Variants in MSANTD2 observed in about 807,000 individuals in gnomAD.
The protein encoded by MSANTD2 is myb/SANT-like DNA-binding domain-containing protein 2.
Under a neutral mutation model 52.6 loss-of-function variants are expected in MSANTD2, and 19 were observed. The ratio of observed to expected loss-of-function variants is 0.36; its 90% CI spans 0.25 to 0.53. MSANTD2 has a LOEUF of 0.53. Ranked by LOEUF, MSANTD2 falls within the 20% of genes least tolerant of loss-of-function variation. The pLI is 0.91. For synonymous variants in MSANTD2, 291 were observed against 289.7 expected, an observed-to-expected ratio of 1.00 and a Z score of -0.04; for missense variants, 558 against 716.3, an observed-to-expected ratio of 0.78 and a Z score of 2.52.
In MSANTD2 at chr11:124,786,231, C is replaced by T. The variant is rs576929505; in HGVS notation, c.511-11257G>A. ...AAGTGATCCTCCTGCCTGAGCCTCCCGAGTAGCTGGGACTATAGGAGTGCA... is the reference window on the plus strand; with the variant it reads ...AAGTGATCCTCCTGCCTGAGCCTCCTGAGTAGCTGGGACTATAGGAGTGCA... On this transcript the variant is annotated intron_variant, in intron 1 of 3. Coordinates refer to ENST00000374979, the MANE Select transcript of MSANTD2 (RefSeq NM_001308027.2). 5.2e-4 allele frequency among the ~76,000 whole-genome samples: 79 copies of T among 151,996 alleles called. 1 individual carries two copies. The highest frequency in any genetic ancestry group is 3.2e-3 in the Admixed American group (49 of 15,238).
chr11:124,768,240 A>G (rs182929229), intron 3 of MSANTD2, among the ~76,000 whole-genome samples: 1 of 152,334 alleles, frequency 6.6e-6, no homozygotes, highest in Admixed American at 6.5e-5. Flanking sequence ...TGTACTGGGC[A>G]GTGTAAGTCT....
At chr11:124,795,779 G>A (rs1431100496) in intron 1 of MSANTD2, among the ~76,000 whole-genome samples, 1 of 152,104 alleles carries the variant, frequency 6.6e-6, no homozygotes. Context: ...TTTGGTGACT[G>A]GAGATATGAA....
At chr11:124,781,735 C>T (rs1184442711) in intron 1 of MSANTD2, among the ~76,000 whole-genome samples, 1 of 151,840 alleles carries the variant, frequency 6.6e-6, no homozygotes, top group African/African-American at 2.4e-5. Context: ...TCACTGCAAC[C>T]TCTGCCTCCT....
At chr11:124,781,582 C>T (rs546276324) in intron 1 of MSANTD2, among the ~76,000 whole-genome samples, 21 of 152,208 alleles carry the variant, frequency 1.4e-4, no homozygotes, top group South Asian at 1.2e-3. Context: ...ATAATTCAAT[C>T]CTCAACCCAA....
intron 1 of MSANTD2, among the ~76,000 whole-genome samples, chr11:124,797,762 A>C (rs1361156708): frequency 6.6e-6 from 1 of 152,204 alleles, no homozygotes; most frequent in African/African-American, 2.4e-5. Context: ...CATTCCCAAA[A>C]TACCCTAAGA....
At chr11:124,798,234 T>TAAAAAAAAAAAAAAAA (rs10601418) in intron 1 of MSANTD2, among the ~76,000 whole-genome samples, 22 of 110,502 alleles carry the variant, frequency 2.0e-4, no homozygotes, top group African/African-American at 8.4e-4. Flanking sequence ...CCCTGTCTCT[T>TAAAAAAAAAAAAAAAA]AAAAAAAAAA....
In MSANTD2 at chr11:124,767,402, A is replaced by G; in HGVS notation, c.1454T>C (p.Leu485Pro). ...GAAATGTAAAAATAAGCACTGCTGT[A>G]GAGTCCTGACCTCAGCAATCCCGAG... The part of the protein sequence containing the change: ...CYLGIAEVRT[L>P]QQCLFLHFQA... The change falls in exon 4 of 4, where the codon CTA becomes CCA. Residue 485 changes from leucine to proline, a missense_variant. Around this residue, in one of 2 missense-constraint regions of MSANTD2, gnomAD observed 408 missense variants for 573.6 expected, o/e 0.71. Coordinates refer to ENST00000374979, the MANE Select transcript of MSANTD2 (RefSeq NM_001308027.2). This position sits in a 1 kb window ranked among gnomAD's most constrained non-coding sequence, Gnocchi z 6.5. 2 of 1,614,232 alleles carry G rather than the reference A, an allele frequency of 1.2e-6. No individual in the cohort carries two copies. The highest frequency in any genetic ancestry group is 1.7e-6 in the Non-Finnish European group (2 of 1,180,036).
intron 3 of MSANTD2, among the ~76,000 whole-genome samples, chr11:124,770,818 C>T (rs565561292): frequency 9.3e-4 from 134 of 144,836 alleles, no homozygotes; most frequent in African/African-American, 2.6e-3. Context: ...CTTGCACCTG[C>T]GTGTCCTGGG....
chr11:124,791,301 T>C lies in MSANTD2; in HGVS notation c.510+8570A>G. 2.1e-6 allele frequency: 3 copies of C among 1,443,024 alleles called. No homozygotes were observed. The South Asian group carries it at 3.4e-5, about 16-fold the overall frequency. 89.4% of individuals were successfully genotyped at this position (1,443,024 alleles called of 1,614,324 possible). A position where few individuals can be genotyped will look rare whatever the true frequency, so the allele number is the denominator to read the frequency against. ...CCATGCCCTCCTAGAACTGTCCCTG[T>C]GGCTGGAGGGTCTCCAGGAGAGAGA... On this transcript the variant is annotated intron_variant, in intron 1 of 3. Coordinates refer to ENST00000374979, the MANE Select transcript of MSANTD2 (RefSeq NM_001308027.2).
At position 124,773,048 on chromosome 11, in the gene MSANTD2, A is replaced by G. The variant is rs1421888519; in HGVS notation, c.773T>C (p.Ile258Thr). Residue 258 changes from isoleucine to threonine, a missense_variant, in exon 3 of 4, where the codon ATA becomes ACA. By Grantham distance (89) the Ile-to-Thr change is moderately conservative (BLOSUM62 -1). Coordinates refer to ENST00000374979, the MANE Select transcript of MSANTD2 (RefSeq NM_001308027.2). ...GYPTDQELDE[I>T]PVTKRTLKIK... ...TTTTAATGTTCTCTTTGTGACAGGT[A>G]TTTCATCTGAAAAGCAAAGATTTTG... The G allele has an allele frequency of 6.3e-7, 1 of 1,590,638 alleles. No individual in the cohort carries two copies. The highest frequency in any genetic ancestry group is 1.7e-5 in the Admixed American group (1 of 59,852).
chr11:124,783,588 C>A (rs142975685), intron 1 of MSANTD2: 14 of 405,630 alleles, frequency 3.5e-5, no homozygotes, highest in African/African-American at 2.6e-4. Flanking sequence ...CCACTGCACT[C>A]CAGCCTGAGT....
intron 1 of MSANTD2, among the ~76,000 whole-genome samples, chr11:124,786,495 T>G (rs995854419): frequency 1.3e-5 from 2 of 152,234 alleles, no homozygotes; most frequent in South Asian, 4.1e-4. Context: ...CTGCTTTTAC[T>G]GTCAAAAAGT....
intron 1 of MSANTD2, among the ~76,000 whole-genome samples, chr11:124,788,992 C>T (rs1356968496): frequency 6.6e-6 from 1 of 152,046 alleles, no homozygotes; most frequent in Non-Finnish European, 1.5e-5. Context: ...TCTTTGAAGG[C>T]AGGGTTTTGT....
In MSANTD2 at chr11:124,774,705, G is replaced by A. The variant is rs1483067874; in HGVS notation, c.766+14C>T. 3 of 1,612,440 alleles carry A rather than the reference G, an allele frequency of 1.9e-6. No homozygotes were observed. Among genetic ancestry groups the A allele is most frequent in the African/African-American group, 2.7e-5 (2 of 74,868 alleles). ...ATACACAAACATAAGTATCATATAT[G>A]TTGGCTTTCTTACCCAATTCCTGAT... On this transcript the variant is annotated intron_variant, in intron 2 of 3. Coordinates refer to ENST00000374979, the MANE Select transcript of MSANTD2 (RefSeq NM_001308027.2). This position sits in a 1 kb window ranked among gnomAD's most constrained non-coding sequence, Gnocchi z 5.1.
chr11:124,767,755 G>C lies in MSANTD2; in HGVS notation c.1101C>G (p.Asn367Lys). 6.2e-7 allele frequency: 1 copy of C among 1,614,196 alleles called. No homozygotes were observed. Among genetic ancestry groups the C allele is most frequent in the South Asian group, 1.1e-5 (1 of 91,088 alleles). The change falls in exon 4 of 4, where the codon AAC (asparagine) becomes AAG (lysine). Residue 367 changes from asparagine to lysine, a missense_variant. Physicochemically the swap from Asn to Lys is moderately conservative, Grantham distance 94. Coordinates refer to ENST00000374979, the MANE Select transcript of MSANTD2 (RefSeq NM_001308027.2). This position sits in a 1 kb window ranked among gnomAD's most constrained non-coding sequence, Gnocchi z 6.5. ...RIIMTRVQKM[N>K]WKNVYYKFLE... ...AAAATTTGTAGTAAACATTTTTCCA[G>C]TTCATTTTCTGCACTCGGGTCATAA...
In MSANTD2 at chr11:124,774,066, G is replaced by C. The variant is rs143777903; in HGVS notation, c.766+653C>G. 7.7e-4 allele frequency among the ~76,000 whole-genome samples: 117 copies of C among 152,262 alleles called. No homozygotes were observed. The East Asian group carries it at 0.018, about 24-fold the overall frequency. On this transcript the variant is annotated intron_variant, in intron 2 of 3. Transcript: ENST00000374979. The surrounding 1 kb of genome is among the most constrained non-coding windows in gnomAD (Gnocchi z 5.1). The stretch of plus-strand genomic sequence containing the variant: ...CTACAAGTTTAGATTTGATGACCAG[G>C]AATTTTATTTTCCATTTTTAATGCC...
At chr11:124,785,609 C>T (rs1383305264) in intron 1 of MSANTD2, among the ~76,000 whole-genome samples, 1 of 152,170 alleles carries the variant, frequency 6.6e-6, no homozygotes, top group African/African-American at 2.4e-5. Flanking sequence ...GGGGCCCTCA[C>T]CTTGGGTGAG....
At chr11:124,776,851 T>G (rs562419131) in intron 1 of MSANTD2, among the ~76,000 whole-genome samples, 52 of 152,374 alleles carry the variant, frequency 3.4e-4, no homozygotes, top group Non-Finnish European at 6.2e-4. Flanking sequence ...GAGCCTCAAA[T>G]GATGCCTTAG....
Position 124,790,217 on chromosome 11 carries a change from GA to G in MSANTD2, c.510+9653del, listed in dbSNP as rs537292111. 1.9e-3 allele frequency: 292 copies of G among 152,332 alleles called. 1 individual carries two copies. The highest frequency in any genetic ancestry group is 6.6e-3 in the African/African-American group (275 of 41,568). The allele number at this position is 152,332 out of a possible 1,614,324, so 9.4% of individuals were successfully genotyped here. On this transcript the variant is annotated intron_variant, in intron 1 of 3. Transcript: ENST00000374979. Reference sequence around the variant, plus strand: ...GTAATATTGTGAAAAAGTCGGGGGGGAAAGCAGGATAATCACTTCTGAAGAC... The same window carrying G: ...GTAATATTGTGAAAAAGTCGGGGGGGAAGCAGGATAATCACTTCTGAAGAC...
Sources: gnomAD v4.1 joint callset for allele counts (sites outside exome capture counted in the v4.1 genomes callset) on GRCh38, gnomAD v4.1.1 for gene constraint, gnomAD v4.1.1 regional missense constraint, Gnocchi (gnomAD v3.1) non-coding constraint, MANE v1.5 for transcripts, NCBI Gene and HGNC (gene_info 2026-07-23, HGNC 2026-07-21) for gene names.